The following POC1B variants were observed in gnomAD, a reference collection of about 807,000 sequenced individuals.
The protein encoded by POC1B is POC1 centriolar protein homolog B.
POC1B carries 44 observed loss-of-function variants against 60.6 expected under a neutral mutation model. The ratio of observed to expected loss-of-function variants is 0.73; its 90% CI spans 0.57 to 0.93. The LOEUF is 0.93. Among genes scored for constraint, POC1B ranks in the 40% least tolerant of loss-of-function variants. The pLI, the probability that POC1B is intolerant of heterozygous loss-of-function variation, is 0.00. For missense variants in POC1B, 555 were observed against 572.3 expected (o/e 0.97, Z 0.31); for synonymous variants, 180 against 198.9 (o/e 0.90, Z 0.80).
chr12:89,523,389 C>A, intron 2 of POC1B: 1 of 1,614,044 alleles, frequency 6.2e-7, no homozygotes, highest in African/African-American at 1.3e-5. Context: ...TGTATTCATC[C>A]ATCCAAACTT....
intron 2 of POC1B, chr12:89,523,311 T>A (rs1266351205): frequency 6.2e-7 from 1 of 1,613,946 alleles, no homozygotes; most frequent in Non-Finnish European, 8.5e-7. Flanking sequence ...CTCGTAGTAA[T>A]TTTCTTTCAG....
chr12:89,461,550 G>A (rs558215427), intron 9 of POC1B: 4 of 152,334 alleles, frequency 2.6e-5, no homozygotes, highest in African/African-American at 9.6e-5. Flanking sequence ...ACACTACAGC[G>A]TTAATCCAGG....
At chr12:89,405,774 G>A in the POC1B span, among the ~76,000 whole-genome samples, 1 of 152,002 alleles carries the variant, frequency 6.6e-6, no homozygotes, top group Admixed American at 6.6e-5. Context: ...GGGCAGCATG[G>A]TGAGACCCTG....
At chr12:89,463,546 C>T (rs774414105) in intron 9 of POC1B, among the ~76,000 whole-genome samples, 1 of 152,096 alleles carries the variant, frequency 6.6e-6, no homozygotes, top group Non-Finnish European at 1.5e-5. Flanking sequence ...TGCTATAGCA[C>T]AACATGGGTA....
At chr12:89,421,331 G>T in intron 11 of POC1B, 74 bp from the exon 12 acceptor site, 1 of 1,269,712 alleles carries the variant, frequency 7.9e-7, no homozygotes, top group Non-Finnish European at 1.1e-6. Context: ...TCTCTGCATA[G>T]GAAATCCTTT....
chr12:89,410,198 CA>C, the POC1B span, among the ~76,000 whole-genome samples: 1,176 of 152,266 alleles, frequency 7.7e-3, 13 homozygotes, highest in African/African-American at 0.027. Context: ...GAACCAGTGA[CA>C]AAAACCACAT....
At chr12:89,452,925 TA>T (rs1384463710) in intron 10 of POC1B, among the ~76,000 whole-genome samples, 1 of 152,236 alleles carries the variant, frequency 6.6e-6, no homozygotes, top group Non-Finnish European at 1.5e-5. Context: ...TAGCAGTTTT[TA>T]TAACATATGG....
chr12:89,408,486 G>GTTT, the POC1B span, among the ~76,000 whole-genome samples: 10 of 136,308 alleles, frequency 7.3e-5, no homozygotes, highest in Non-Finnish European at 9.6e-5. Context: ...CTGACTTCTG[G>GTTT]TTTTTTTTTT....
intron 1 of POC1B, 49 bp downstream of exon 1, chr12:89,525,832 C>T (rs1343798717): frequency 2.1e-6 from 3 of 1,401,098 alleles, no homozygotes; most frequent in Non-Finnish European, 1.9e-6. Flanking sequence ...CCGCAGCCCG[C>T]GGGACAGGCT....
At chr12:89,476,697 AATAGATAGATAGATAGATAGATAGATAG>A (rs754459068) in intron 4 of POC1B, among the ~76,000 whole-genome samples, 7 of 139,988 alleles carry the variant, frequency 5.0e-5, no homozygotes, top group Admixed American at 2.2e-4. Context: ...AGACTGTCTC[AATAGATAGATAGATAGATAGATAGATAG>A]ATAGATAGAT....
intron 10 of POC1B, among the ~76,000 whole-genome samples, chr12:89,436,408 A>G (rs965375265): frequency 1.3e-5 from 2 of 152,202 alleles, no homozygotes; most frequent in African/African-American, 2.4e-5. Flanking sequence ...CCAAATAACC[A>G]GCATGATTCA....
chr12:89,419,773 G>A lies in POC1B; in HGVS notation c.*1380C>T, dbSNP rs891307822. Reference sequence around the variant, plus strand: ...GTTTGAAGCATGACAAAATAAAATTGATAGGACATTTCATTTCTTACTTAG... The same window carrying A: ...GTTTGAAGCATGACAAAATAAAATTAATAGGACATTTCATTTCTTACTTAG... On this transcript the variant is annotated 3_prime_UTR_variant, in exon 12 of 12. Coordinates refer to ENST00000313546, the MANE Select transcript of POC1B (RefSeq NM_172240.3). 3.3e-5 allele frequency: 5 copies of A among 152,144 alleles called. No individual in the cohort carries two copies. Among genetic ancestry groups the A allele is most frequent in the African/African-American group, 1.2e-4 (5 of 41,448 alleles). The allele number at this position is 152,144 out of a possible 1,614,324, so 9.4% of individuals were successfully genotyped here. A position where few individuals can be genotyped will look rare whatever the true frequency, so the allele number is the denominator to read the frequency against.
At chr12:89,471,489 C>T in intron 6 of POC1B, 125 bp downstream of exon 6, 3 of 691,886 alleles carry the variant, frequency 4.3e-6, no homozygotes, top group Non-Finnish European at 7.5e-6. Context: ...TTATACTATT[C>T]TCTAGCCTGT....
chr12:89,451,346 C>T (rs537163595), intron 10 of POC1B, among the ~76,000 whole-genome samples: 84 of 152,114 alleles, frequency 5.5e-4, no homozygotes, highest in Non-Finnish European at 9.4e-4. Context: ...TTTGTAGTGG[C>T]CATCATGATC....
intron 11 of POC1B, among the ~76,000 whole-genome samples, chr12:89,424,320 T>A (rs1336777077): frequency 6.6e-6 from 1 of 152,228 alleles, no homozygotes; most frequent in Non-Finnish European, 1.5e-5. Flanking sequence ...GAAAACCAGG[T>A]ATATGTACAT....
intron 4 of POC1B, among the ~76,000 whole-genome samples, chr12:89,477,940 G>C (rs1478612783): frequency 6.6e-6 from 1 of 151,892 alleles, no homozygotes; most frequent in Admixed American, 6.6e-5. Flanking sequence ...TCTTTACCTA[G>C]TTTAAAATCT....
chr12:89,426,452 T>C (rs1880769298), intron 10 of POC1B: 1 of 152,150 alleles, frequency 6.6e-6, no homozygotes, highest in African/African-American at 2.4e-5. Flanking sequence ...CATATGGCAA[T>C]GAACAATCCA....
chr12:89,425,424 T>C (rs1426603343), intron 10 of POC1B, 45 bp from the exon 11 acceptor site: 1 of 1,495,034 alleles, frequency 6.7e-7, no homozygotes, highest in Non-Finnish European at 9.1e-7. Context: ...TTTTCCAAAC[T>C]TTAAAATGAT....
chr12:89,524,785 T>G, intron 2 of POC1B: 2 of 623,158 alleles, frequency 3.2e-6, no homozygotes, highest in Non-Finnish European at 5.6e-6. Flanking sequence ...GCTCACAACT[T>G]TTCACAAACT....
Sources: gnomAD v4.1 joint callset for allele counts (sites outside exome capture counted in the v4.1 genomes callset) on GRCh38, gnomAD v4.1.1 for gene constraint, MANE v1.5 for transcripts, NCBI Gene and HGNC (gene_info 2026-07-23, HGNC 2026-07-21) for gene names.